BRINP3: variants seen among roughly 807,000 people sequenced by gnomAD.
The protein encoded by BRINP3 is BMP/retinoic acid-inducible neural-specific protein 3.
BRINP3 carries 19 observed loss-of-function variants against 71.0 expected under a neutral mutation model. The ratio of observed to expected loss-of-function variants is 0.27; its 90% CI spans 0.19 to 0.39. BRINP3 has a LOEUF of 0.39. Among genes scored for constraint, BRINP3 ranks in the 10% least tolerant of loss-of-function variants. The pLI is 1.00. For missense variants in BRINP3, 959 were observed against 940.8 expected (o/e 1.02, Z -0.25); for synonymous variants, 380 against 337.7 (o/e 1.13, Z -1.37).
At chr1:190,286,538 C>T (rs1354714133) in intron 2 of BRINP3, among the ~76,000 whole-genome samples, 1 of 152,030 alleles carries the variant, frequency 6.6e-6, no homozygotes, top group African/African-American at 2.4e-5. Context: ...AAAAGAAACC[C>T]AAAATATATT....
At chr1:190,129,668 T>C (rs1164821417) in intron 7 of BRINP3, among the ~76,000 whole-genome samples, 4 of 151,956 alleles carry the variant, frequency 2.6e-5, no homozygotes, top group African/African-American at 9.7e-5. Flanking sequence ...TTGTTTTTAG[T>C]TGCCTTGTTA....
chr1:190,405,806 T>A (rs909408735), intron 2 of BRINP3, among the ~76,000 whole-genome samples: 1 of 152,224 alleles, frequency 6.6e-6, no homozygotes, highest in Admixed American at 6.5e-5. Flanking sequence ...ACGCCAGACA[T>A]GCTACAGCAA....
At position 190,262,138 on chromosome 1, in the gene BRINP3, G is replaced by A. The variant is rs572445097; in HGVS notation, c.618+2727C>T. Reference sequence around the variant, plus strand: ...AGTGTTCATGTAACTCAGAGCTGTCGACTTCCTGCAGTGCACATGATCATG... The same window carrying A: ...AGTGTTCATGTAACTCAGAGCTGTCAACTTCCTGCAGTGCACATGATCATG... On this transcript the variant is annotated intron_variant, in intron 4 of 7. Coordinates refer to ENST00000367462, the MANE Select transcript of BRINP3 (RefSeq NM_199051.3). Among the ~76,000 whole-genome samples the A allele has an allele frequency of 2.0e-5, 3 of 152,184 alleles. No individual in the cohort carries two copies. In the East Asian group the frequency reaches 5.8e-4, roughly 29 times the overall value.
intron 4 of BRINP3, among the ~76,000 whole-genome samples, chr1:190,261,133 G>A (rs1661148341): frequency 6.6e-6 from 1 of 151,936 alleles, no homozygotes; most frequent in African/African-American, 2.4e-5. Flanking sequence ...TCAGGTGATA[G>A]ATTAAATATC....
chr1:190,302,964 G>T (rs1437480907), intron 2 of BRINP3, among the ~76,000 whole-genome samples: 2 of 151,204 alleles, frequency 1.3e-5, no homozygotes, highest in Non-Finnish European at 3.0e-5. Context: ...GTTTCACTTC[G>T]GCAAAAAGAT....
chr1:190,450,572 T>C (rs931287852), intron 2 of BRINP3, among the ~76,000 whole-genome samples: 9 of 152,170 alleles, frequency 5.9e-5, no homozygotes, highest in African/African-American at 1.9e-4. Flanking sequence ...TAAAAACAAC[T>C]CTTTATCAGT....
intron 6 of BRINP3, among the ~76,000 whole-genome samples, chr1:190,196,645 C>T (rs1654505215): frequency 6.6e-6 from 1 of 151,904 alleles, no homozygotes; most frequent in South Asian, 2.1e-4. Flanking sequence ...TGGTTGGCCA[C>T]ATTAACTGAT....
intron 4 of BRINP3, among the ~76,000 whole-genome samples, chr1:190,249,227 A>T (rs1257518522): frequency 6.6e-6 from 1 of 151,828 alleles, no homozygotes; most frequent in Admixed American, 6.6e-5. Flanking sequence ...TGTCACGTTC[A>T]CTTATGTAAG....
chr1:190,113,250 AATTG>A (rs1350590219), intron 7 of BRINP3, among the ~76,000 whole-genome samples: 1 of 151,872 alleles, frequency 6.6e-6, no homozygotes, highest in Non-Finnish European at 1.5e-5. Flanking sequence ...TAATTAAGTC[AATTG>A]ATTAATTATC....
intron 1 of BRINP3, among the ~76,000 whole-genome samples, chr1:190,457,460 A>AAAAACAAAACAAAACAAAAC (rs71561668): frequency 0.059 from 8,865 of 151,302 alleles, 544 homozygotes; most frequent in African/African-American, 0.15. Flanking sequence ...ACACAAAAAC[A>AAAAACAAAACAAAACAAAAC]AAAACAAAAC....
chr1:190,317,823 TTGAA>T (rs1487144881), intron 2 of BRINP3, among the ~76,000 whole-genome samples: 1 of 152,120 alleles, frequency 6.6e-6, no homozygotes, highest in East Asian at 1.9e-4. Flanking sequence ...CTCTACTAGT[TTGAA>T]TGAGTAGAAT....
intron 2 of BRINP3, among the ~76,000 whole-genome samples, chr1:190,343,947 G>A (rs527407508): frequency 2.4e-3 from 364 of 151,650 alleles, no homozygotes; most frequent in African/African-American, 8.5e-3. Context: ...CTGTCATAAT[G>A]TACTCATAAT....
chr1:190,332,304 A>G (rs573237650), intron 2 of BRINP3, among the ~76,000 whole-genome samples: 119 of 152,196 alleles, frequency 7.8e-4, no homozygotes, highest in African/African-American at 2.7e-3. Flanking sequence ...AATTGCCCCA[A>G]TGAAGCAGCA....
At chr1:190,465,880 T>A (rs966564126) in intron 1 of BRINP3, among the ~76,000 whole-genome samples, 1 of 151,772 alleles carries the variant, frequency 6.6e-6, no homozygotes. Flanking sequence ...AAGACAGTTT[T>A]AAAAAAAAGA....
At chr1:190,349,273 C>T (rs1484084411) in intron 2 of BRINP3, among the ~76,000 whole-genome samples, 1 of 151,946 alleles carries the variant, frequency 6.6e-6, no homozygotes, top group Non-Finnish European at 1.5e-5. Flanking sequence ...TCATGAGCCA[C>T]TAAATTTCAC....
chr1:190,101,109 C>T (rs1557966705), intron 7 of BRINP3, among the ~76,000 whole-genome samples: 1 of 152,136 alleles, frequency 6.6e-6, no homozygotes, highest in Non-Finnish European at 1.5e-5. Flanking sequence ...TTTCCAGACT[C>T]CAGAAACCTG....
Position 190,281,629 on chromosome 1 carries a change from G to A in BRINP3, c.358C>T (p.Leu120Phe), listed in dbSNP as rs1188775511. ...NIRLLGRRPT[L>F]QQITENLIKK... ...ATAAGGTTTTCTGTGATTTGCTGAAGGGTAGGTCGACGTCCCAAAAGTCTT... is the reference window on the plus strand; with the variant it reads ...ATAAGGTTTTCTGTGATTTGCTGAAAGGTAGGTCGACGTCCCAAAAGTCTT... The change falls in exon 3 of 8, where the codon CTT becomes TTT. Residue 120 changes from leucine to phenylalanine, a missense_variant. By Grantham distance (22) the Leu-to-Phe change is conservative. Transcript: ENST00000367462. 1 of 1,612,966 alleles carries A rather than the reference G, an allele frequency of 6.2e-7. No homozygotes were observed. Among genetic ancestry groups the A allele is most frequent in the Admixed American group, 1.7e-5 (1 of 59,864 alleles).
chr1:190,213,292 G>A (rs1471998995), intron 6 of BRINP3, among the ~76,000 whole-genome samples: 3 of 152,016 alleles, frequency 2.0e-5, no homozygotes, highest in Non-Finnish European at 4.4e-5. Context: ...CCATCCTGTA[G>A]TGAGAACACA....
At chr1:190,228,022 A>C (rs1368797047) in intron 5 of BRINP3, among the ~76,000 whole-genome samples, 1 of 151,962 alleles carries the variant, frequency 6.6e-6, no homozygotes, top group Non-Finnish European at 1.5e-5. Context: ...AGACTGAAAA[A>C]ATCCACACTA....
Sources: gnomAD v4.1 joint callset for allele counts (sites outside exome capture counted in the v4.1 genomes callset) on GRCh38, gnomAD v4.1.1 for gene constraint, MANE v1.5 for transcripts, NCBI Gene and HGNC (gene_info 2026-07-23, HGNC 2026-07-21) for gene names.